The following CIT variants were observed in gnomAD, a reference collection of about 807,000 sequenced individuals.
CIT encodes citron rho-interacting serine/threonine kinase.
In CIT, 79 loss-of-function variants were observed where a neutral mutation model predicts 272.7. That is an observed-to-expected ratio of 0.29 (90% CI 0.24 to 0.35). The LOEUF (loss-of-function observed/expected upper bound fraction) is 0.35, where lower values mean the gene tolerates loss of function less well. Among genes scored for constraint, CIT ranks in the 10% least tolerant of loss-of-function variants. The probability of loss-of-function intolerance (pLI) is 1.00; values close to 1 mark genes in which losing one functional copy is unlikely to be tolerated. For missense variants in CIT, 1,909 were observed against 2,618.3 expected (o/e 0.73, Z 5.91); for synonymous variants, 948 against 995.6 (o/e 0.95, Z 0.90).
intron 13 of CIT, 169 bp downstream of exon 13, chr12:119,782,349 T>C: frequency 4.8e-6 from 3 of 628,832 alleles, no homozygotes; most frequent in Non-Finnish European, 8.1e-6. Flanking sequence ...ATATAAATTA[T>C]GAGAAATCTG....
chr12:119,736,854 C>A (rs932682101), intron 24 of CIT, among the ~76,000 whole-genome samples: 5 of 152,102 alleles, frequency 3.3e-5, no homozygotes, highest in African/African-American at 1.2e-4. Context: ...ATAATGTCTC[C>A]ATTTAACTAC....
intron 2 of CIT, among the ~76,000 whole-genome samples, chr12:119,874,458 A>G (rs1222139584): frequency 6.6e-5 from 10 of 152,130 alleles, no homozygotes; most frequent in Admixed American, 6.6e-4. Context: ...CTAAATCTTC[A>G]TGGTCTCTAT....
chr12:119,806,792 A>C (rs1415596776), intron 9 of CIT, among the ~76,000 whole-genome samples: 1 of 152,216 alleles, frequency 6.6e-6, no homozygotes, highest in Non-Finnish European at 1.5e-5. Flanking sequence ...CCATGAAACA[A>C]ATTTTTATTA....
Position 119,734,285 on chromosome 12 carries a change from C to T in CIT, c.3229G>A (p.Glu1077Lys). ...CACTGCCGCTCTTTTTCTAGCAGCT[C>T]ATCGTTTAGGGCCTCCAAATCCATG... ...QVMDLEALND[E>K]LLEKERQWEA... The change falls in exon 26 of 48, where the codon GAG (glutamate) becomes AAG (lysine). Residue 1077 changes from glutamate to lysine, a missense_variant. Around this residue, in one of 8 missense-constraint regions of CIT, gnomAD observed 530 missense variants for 822.4 expected, o/e 0.64. Transcript: ENST00000392521. 1.2e-6 allele frequency: 2 copies of T among 1,614,024 alleles called. No homozygotes were observed. Among genetic ancestry groups the T allele is most frequent in the Non-Finnish European group, 1.7e-6 (2 of 1,180,012 alleles).
At chr12:119,755,102 C>A (rs1387453220) in intron 22 of CIT, among the ~76,000 whole-genome samples, 1 of 152,202 alleles carries the variant, frequency 6.6e-6, no homozygotes, top group Admixed American at 6.5e-5. Context: ...AATCCTAGCA[C>A]TTTGGAGGCC....
At chr12:119,848,619 G>A (rs1449489687) in intron 5 of CIT, among the ~76,000 whole-genome samples, 1 of 152,206 alleles carries the variant, frequency 6.6e-6, no homozygotes, top group Non-Finnish European at 1.5e-5. Context: ...TACTGACAAG[G>A]AAGAAAGGAT....
intron 19 of CIT, among the ~76,000 whole-genome samples, chr12:119,765,290 C>A (rs1962288334): frequency 6.7e-6 from 1 of 149,688 alleles, no homozygotes; most frequent in South Asian, 2.1e-4. Context: ...ATAGTCCCAG[C>A]TACTTGGGTG....
intron 19 of CIT, among the ~76,000 whole-genome samples, chr12:119,766,074 T>C (rs1264728671): frequency 6.7e-6 from 1 of 150,196 alleles, no homozygotes; most frequent in Admixed American, 6.6e-5. Context: ...TCAGCGGGGG[T>C]GGGGTGGGGA....
Position 119,767,083 on chromosome 12 carries a change from T to C in CIT, c.2304+4A>G. The C allele has an allele frequency of 6.2e-7, 1 of 1,606,134 alleles. No individual in the cohort carries two copies. Among genetic ancestry groups the C allele is most frequent in the South Asian group, 1.1e-5 (1 of 88,944 alleles). On this transcript the variant is annotated splice_donor_region_variant and intron_variant, in intron 19 of 47. Transcript: ENST00000392521. ...GGCCAGGGAAGATCAGAAAATGTCT[T>C]TACTTTAATCTTTTCCTCATAGTGC...
chr12:119,757,263 C>T, intron 22 of CIT, 108 bp downstream of exon 22: 5 of 1,411,958 alleles, frequency 3.5e-6, no homozygotes, highest in Non-Finnish European at 4.8e-6. Context: ...CCCTTAACCA[C>T]CAAGCACAAT....
At position 119,876,128 on chromosome 12, in the gene CIT, G is replaced by A; in HGVS notation, c.41C>T (p.Ala14Val). ...FKYGARNPLD[A>V]GAAEPIASRA... ...GCTGGCAATGGGTTCAGCAGCACCA[G>A]CATCCAAAGGATTCCGCGCTCCATA... The change falls in exon 2 of 48, where the codon GCT becomes GTT. Residue 14 changes from alanine to valine, a missense_variant. Around this residue, in one of 8 missense-constraint regions of CIT, gnomAD observed 529 missense variants for 549.6 expected, o/e 0.96. Coordinates refer to ENST00000392521, the MANE Select transcript of CIT (RefSeq NM_001206999.2). 1 of 1,613,948 alleles carries A rather than the reference G, an allele frequency of 6.2e-7. No homozygotes were observed. The highest frequency in any genetic ancestry group is 8.5e-7 in the Non-Finnish European group (1 of 1,179,880).
At chr12:119,725,119 C>T (rs986426123) in intron 28 of CIT, among the ~76,000 whole-genome samples, 30 of 151,944 alleles carry the variant, frequency 2.0e-4, no homozygotes, top group African/African-American at 6.8e-4. Context: ...TTGATTCTGG[C>T]TCCATTTAAA....
At chr12:119,714,375 A>G in intron 32 of CIT, 41 bp from the exon 33 acceptor site, 1 of 1,609,734 alleles carries the variant, frequency 6.2e-7, no homozygotes. Flanking sequence ...AGTACTGCAA[A>G]TGATCCCATC....
intron 19 of CIT, among the ~76,000 whole-genome samples, chr12:119,762,108 T>C (rs1443744601): frequency 6.6e-6 from 1 of 152,016 alleles, no homozygotes; most frequent in Non-Finnish European, 1.5e-5. Flanking sequence ...TTTCCAACAA[T>C]GTCTATTGTG....
Position 119,713,615 on chromosome 12 carries a change from G to T in CIT, c.4340C>A (p.Thr1447Lys). 6.2e-7 allele frequency: 1 copy of T among 1,614,266 alleles called. No homozygotes were observed. ...CAAGCCGCAGGTGGCTGGCAAGCACGTGGAGCACTTGGGGTGACACATCAC... is the reference window on the plus strand; with the variant it reads ...CAAGCCGCAGGTGGCTGGCAAGCACTTGGAGCACTTGGGGTGACACATCAC... ...CQVMCHPKCSTCLPATCGLPA... is the reference protein window; with the variant it reads ...CQVMCHPKCSKCLPATCGLPA... Residue 1447 changes from threonine to lysine, a missense_variant, in exon 34 of 48, where the codon ACG becomes AAG. This residue lies in a region of CIT where 780 missense variants were observed against 1,067.2 expected (regional missense o/e 0.73). Coordinates refer to ENST00000392521, the MANE Select transcript of CIT (RefSeq NM_001206999.2). The surrounding 1 kb of genome is among the most constrained non-coding windows in gnomAD (Gnocchi z 5.2).
intron 40 of CIT, among the ~76,000 whole-genome samples, chr12:119,705,358 A>G (rs1956815970): frequency 6.6e-6 from 1 of 152,144 alleles, no homozygotes; most frequent in Admixed American, 6.5e-5. Context: ...TTTATCATTC[A>G]CCAAATGAGG....
intron 13 of CIT, among the ~76,000 whole-genome samples, chr12:119,777,668 T>C (rs1293999834): frequency 7.8e-6 from 1 of 127,394 alleles, no homozygotes; most frequent in East Asian, 2.3e-4. Flanking sequence ...AGACTCCGTC[T>C]CAAAAAAACA....
intron 40 of CIT, among the ~76,000 whole-genome samples, chr12:119,706,876 T>G (rs533918883): frequency 6.6e-6 from 1 of 152,354 alleles, no homozygotes; most frequent in African/African-American, 2.4e-5. Flanking sequence ...TCTTCCACAA[T>G]GGTTGAACTA....
At chr12:119,871,675 G>A (rs931964292) in intron 2 of CIT, among the ~76,000 whole-genome samples, 1 of 152,046 alleles carries the variant, frequency 6.6e-6, no homozygotes, top group Non-Finnish European at 1.5e-5. Flanking sequence ...GCAACACAGC[G>A]AGATCCCATC....
Sources: allele counts gnomAD v4.1 joint callset (sites outside exome capture counted in the v4.1 genomes callset), GRCh38; gene constraint gnomAD v4.1.1; regional missense constraint gnomAD v4.1.1; non-coding constraint Gnocchi (gnomAD v3.1); transcripts MANE v1.5; gene names NCBI Gene and HGNC (gene_info 2026-07-23, HGNC 2026-07-21).